The following GALNT13 variants were observed in gnomAD, a reference collection of about 807,000 sequenced individuals.
GALNT13 encodes polypeptide N-acetylgalactosaminyltransferase 13, also known as UDP-GalNAc:polypeptide N-acetylgalactosaminyltransferase 13.
A neutral mutation model predicts 64.2 loss-of-function variants in GALNT13; 28 were observed. That is an observed-to-expected ratio of 0.44 (90% CI 0.32 to 0.60). The LOEUF (loss-of-function observed/expected upper bound fraction) is 0.60. Among genes scored for constraint, GALNT13 ranks in the 20% least tolerant of loss-of-function variants. The pLI, the probability that GALNT13 is intolerant of heterozygous loss-of-function variation, is 0.05. For synonymous variants in GALNT13, 214 were observed against 224.6 expected, an observed-to-expected ratio of 0.95 and a Z score of 0.42; for missense variants, 577 against 669.8, an observed-to-expected ratio of 0.86 and a Z score of 1.53.
intron 4 of GALNT13, among the ~76,000 whole-genome samples, chr2:154,216,395 G>A (rs1688042422): frequency 6.6e-6 from 1 of 152,088 alleles, no homozygotes. Context: ...TTGATTGGTT[G>A]TGAGTATTTT....
At chr2:153,408,056 G>A in the GALNT13 span, among the ~76,000 whole-genome samples, 1 of 152,180 alleles carries the variant, frequency 6.6e-6, no homozygotes, top group African/African-American at 2.4e-5. Context: ...GGAGTGGATA[G>A]GAGACTTCAA....
At chr2:153,333,819 G>A in the GALNT13 span, among the ~76,000 whole-genome samples, 4 of 152,098 alleles carry the variant, frequency 2.6e-5, no homozygotes, top group Non-Finnish European at 5.9e-5. Context: ...GCTTTTTAAC[G>A]CATTTATTCT....
At chr2:153,825,717 A>C in the GALNT13 span, among the ~76,000 whole-genome samples, 1 of 151,404 alleles carries the variant, frequency 6.6e-6, no homozygotes, top group African/African-American at 2.4e-5. Flanking sequence ...ATTAATCCCT[A>C]TATCCCCCAG....
the GALNT13 span, among the ~76,000 whole-genome samples, chr2:153,102,998 T>C: frequency 2.0e-5 from 3 of 151,994 alleles, no homozygotes; most frequent in African/African-American, 7.3e-5. Flanking sequence ...CAGCCCAGGG[T>C]ATTAATGCTG....
intron 4 of GALNT13, among the ~76,000 whole-genome samples, chr2:154,169,973 GCTGAATTTCAGGCAGACCAAGGCTCAA>G (rs1179227874): frequency 3.9e-5 from 6 of 152,108 alleles, no homozygotes; most frequent in Non-Finnish European, 8.8e-5. Context: ...AGAAACTTCA[GCTGAATTTCAGGCAGACCAAGGCTCAA>G]CTGAATTTCA....
At chr2:153,472,777 CAA>C in the GALNT13 span, among the ~76,000 whole-genome samples, 2 of 152,096 alleles carry the variant, frequency 1.3e-5, no homozygotes, top group African/African-American at 4.8e-5. Context: ...AATAGTTAAA[CAA>C]ATGAAAATAA....
At chr2:154,268,874 T>C (rs2105917917) in intron 8 of GALNT13, among the ~76,000 whole-genome samples, 1 of 152,262 alleles carries the variant, frequency 6.6e-6, no homozygotes, top group African/African-American at 2.4e-5. Flanking sequence ...TATGGCAATA[T>C]TACTTTTTAT....
intron 4 of GALNT13, among the ~76,000 whole-genome samples, chr2:154,183,108 G>A (rs1020333626): frequency 9.9e-5 from 15 of 152,204 alleles, no homozygotes; most frequent in African/African-American, 3.6e-4. Context: ...CATTGGCATT[G>A]AATCTTCTTT....
the GALNT13 span, among the ~76,000 whole-genome samples, chr2:153,378,018 GC>G: frequency 6.6e-6 from 1 of 151,768 alleles, no homozygotes; most frequent in Non-Finnish European, 1.5e-5. Flanking sequence ...TATTATCTTT[GC>G]CATTTTCTTT....
chr2:153,736,792 T>C, the GALNT13 span, among the ~76,000 whole-genome samples: 1 of 152,122 alleles, frequency 6.6e-6, no homozygotes, highest in East Asian at 1.9e-4. Context: ...TTATCTTCAG[T>C]CTATTTTCAT....
intron 8 of GALNT13, among the ~76,000 whole-genome samples, chr2:154,283,817 G>A (rs909357922): frequency 1.3e-5 from 2 of 152,084 alleles, no homozygotes; most frequent in Non-Finnish European, 2.9e-5. Flanking sequence ...ACTCAATGGG[G>A]TGATATAGAG....
chr2:153,399,559 T>A, the GALNT13 span, among the ~76,000 whole-genome samples: 2 of 152,134 alleles, frequency 1.3e-5, no homozygotes, highest in Non-Finnish European at 2.9e-5. Context: ...CCCATGAGCA[T>A]GGGATGTTCT....
chr2:153,634,147 C>T, the GALNT13 span, among the ~76,000 whole-genome samples: 9 of 151,934 alleles, frequency 5.9e-5, no homozygotes, highest in South Asian at 2.1e-4. Context: ...CCAGAACCAC[C>T]GGGAAAATTA....
the GALNT13 span, among the ~76,000 whole-genome samples, chr2:153,800,084 C>CTCTCTCTCT: frequency 4.5e-4 from 66 of 145,534 alleles, no homozygotes; most frequent in Non-Finnish European, 5.3e-4. Context: ...CTCTCTCTCT[C>CTCTCTCTCT]CACCCCCCAC....
At chr2:153,574,959 A>G in the GALNT13 span, among the ~76,000 whole-genome samples, 1 of 151,998 alleles carries the variant, frequency 6.6e-6, no homozygotes, top group African/African-American at 2.4e-5. Context: ...TTGAAGGGTT[A>G]GTCATTTATT....
chr2:153,231,053 T>A, the GALNT13 span, among the ~76,000 whole-genome samples: 174 of 152,330 alleles, frequency 1.1e-3, no homozygotes, highest in African/African-American at 3.9e-3. Context: ...GCTCCTCCAC[T>A]ATTTTGCATG....
chr2:154,342,037 A>C (rs539853225), intron 9 of GALNT13, among the ~76,000 whole-genome samples: 1 of 152,166 alleles, frequency 6.6e-6, no homozygotes, highest in African/African-American at 2.4e-5. Context: ...TGGGGAGGAG[A>C]CTGGTTTAGG....
the GALNT13 span, among the ~76,000 whole-genome samples, chr2:153,392,727 G>A: frequency 6.6e-6 from 1 of 151,960 alleles, no homozygotes; most frequent in Non-Finnish European, 1.5e-5. Flanking sequence ...TTTCTCCCCA[G>A]TTCAGTCACC....
At chr2:154,388,112 A>G (rs1225961283) in intron 9 of GALNT13, among the ~76,000 whole-genome samples, 1 of 152,166 alleles carries the variant, frequency 6.6e-6, no homozygotes, top group Non-Finnish European at 1.5e-5. Flanking sequence ...AAGTCACTCT[A>G]ACAGGTGCGA....
Sources: allele counts gnomAD v4.1 joint callset (sites outside exome capture counted in the v4.1 genomes callset), GRCh38; gene constraint gnomAD v4.1.1; transcripts MANE v1.5; gene names NCBI Gene and HGNC (gene_info 2026-07-23, HGNC 2026-07-21).